Variants in PTK7 observed in about 807,000 individuals in gnomAD.
PTK7 encodes the protein inactive tyrosine-protein kinase 7.
Under a neutral mutation model 116.6 loss-of-function variants are expected in PTK7, and 39 were observed. The ratio of observed to expected loss-of-function variants is 0.33; its 90% CI spans 0.26 to 0.44. The LOEUF (loss-of-function observed/expected upper bound fraction) is 0.44, where lower values mean the gene tolerates loss of function less well. Among genes scored for constraint, PTK7 ranks in the 20% least tolerant of loss-of-function variants. The pLI, the probability that PTK7 is intolerant of heterozygous loss-of-function variation, is 1.00. For missense variants in PTK7, 1,169 were observed against 1,425.6 expected, an observed-to-expected ratio of 0.82 and a Z score of 2.90; for synonymous variants, 546 against 563.6, an observed-to-expected ratio of 0.97 and a Z score of 0.44.
At chr6:43,095,403 C>A (rs553811653) in intron 1 of PTK7, among the ~76,000 whole-genome samples, 8 of 152,060 alleles carry the variant, frequency 5.3e-5, no homozygotes, top group South Asian at 2.1e-4. Context: ...ACAACAACAA[C>A]AAAAAAACCC....
chr6:43,102,705 A>G (rs1767655645), intron 1 of PTK7, among the ~76,000 whole-genome samples: 1 of 152,226 alleles, frequency 6.6e-6, no homozygotes, highest in South Asian at 2.1e-4. Flanking sequence ...TTTCTGATTA[A>G]AAAAACAAAC....
intron 1 of PTK7, among the ~76,000 whole-genome samples, chr6:43,106,577 G>T (rs976807077): frequency 1.3e-5 from 2 of 151,250 alleles, no homozygotes; most frequent in African/African-American, 4.9e-5. Context: ...ATTATAGCAG[G>T]CATGAGCCAC....
chr6:43,138,745 T>G, intron 7 of PTK7, 104 bp from the exon 8 acceptor site: 1 of 1,456,226 alleles, frequency 6.9e-7, no homozygotes, highest in Non-Finnish European at 9.2e-7. Flanking sequence ...GCATGGGGCT[T>G]CTGAACTCAG....
intron 1 of PTK7, among the ~76,000 whole-genome samples, chr6:43,096,068 G>C (rs977211807): frequency 6.6e-6 from 1 of 152,186 alleles, no homozygotes; most frequent in Non-Finnish European, 1.5e-5. Flanking sequence ...AGAAAGCCTA[G>C]AGAGAGCCTG....
chr6:43,134,657 G>A (rs1231103703), intron 7 of PTK7, among the ~76,000 whole-genome samples: 3 of 151,968 alleles, frequency 2.0e-5, no homozygotes, highest in African/African-American at 7.3e-5. Context: ...GCACTCACCT[G>A]TAATCCCAGC....
chr6:43,137,784 C>CT (rs547194301), intron 7 of PTK7, among the ~76,000 whole-genome samples: 6 of 152,172 alleles, frequency 3.9e-5, no homozygotes, highest in Admixed American at 3.9e-4. Context: ...ATTACTTCTT[C>CT]TTTTTTTATT....
chr6:43,134,729 G>A (rs1355532652), intron 7 of PTK7, among the ~76,000 whole-genome samples: 1 of 151,320 alleles, frequency 6.6e-6, no homozygotes, highest in Admixed American at 6.6e-5. Context: ...GCAGTGAGTC[G>A]AGATCGTGCC....
Position 43,144,479 on chromosome 6 carries a change from A to G in PTK7, c.2280A>G (p.Ser760=). Reference sequence around the variant, plus strand: ...GGCCTTTGCAGAACGGGCAGCCCTCAGCAGAGATCCAAGAAGAAGTGGCCT... The same window carrying G: ...GGCCTTTGCAGAACGGGCAGCCCTCGGCAGAGATCCAAGAAGAAGTGGCCT... ...NGGPLQNGQP[S]AEIQEEVALT... Residue 760 remains serine, a synonymous_variant, in exon 15 of 20, where the codon TCA becomes TCG. Transcript: ENST00000230419. 1 of 1,614,124 alleles carries G rather than the reference A, an allele frequency of 6.2e-7. No individual in the cohort carries two copies. Among genetic ancestry groups the G allele is most frequent in the African/African-American group, 1.3e-5 (1 of 75,040 alleles).
chr6:43,104,201 A>G (rs1294393958), intron 1 of PTK7, among the ~76,000 whole-genome samples: 1 of 152,196 alleles, frequency 6.6e-6, no homozygotes, highest in Non-Finnish European at 1.5e-5. Context: ...GGTAACAGTA[A>G]GGAAAATAAG....
rs1444992916 is a variant in PTK7 at position 43,139,702 on chromosome 6, T to TTA, written c.1618+180_1618+181dup. ...AAAGCCAGACACAGAAGAGGTCAGA[T>TTA]TATAGCCTTGGACAACATGGAAGAC... On this transcript the variant is annotated intron_variant, in intron 10 of 19. Transcript: ENST00000230419. The surrounding 1 kb of genome is among the most constrained non-coding windows in gnomAD (Gnocchi z 4.6). Among the ~76,000 whole-genome samples the TTA allele has an allele frequency of 1.3e-5, 2 of 152,232 alleles. No individual in the cohort carries two copies. The highest frequency in any genetic ancestry group is 4.8e-5 in the African/African-American group (2 of 41,462).
chr6:43,099,713 G>A (rs758073156), intron 1 of PTK7, among the ~76,000 whole-genome samples: 3 of 152,138 alleles, frequency 2.0e-5, no homozygotes, highest in South Asian at 2.1e-4. Context: ...ATATTTATCG[G>A]GGTTACCATG....
At chr6:43,102,294 G>A (rs1007413222) in intron 1 of PTK7, among the ~76,000 whole-genome samples, 20 of 152,252 alleles carry the variant, frequency 1.3e-4, no homozygotes, top group African/African-American at 4.8e-4. Flanking sequence ...GCATGGTGGC[G>A]GGCGCCTGTA....
intron 17 of PTK7, among the ~76,000 whole-genome samples, chr6:43,158,201 A>G (rs1204692363): frequency 2.0e-5 from 3 of 151,880 alleles, no homozygotes; most frequent in Non-Finnish European, 2.9e-5. Context: ...CGGGAGGCTG[A>G]GTCAGGAGAA....
Position 43,159,097 on chromosome 6 carries a change from T to C in PTK7, c.2873+129T>C, listed in dbSNP as rs1771684805. Reference sequence around the variant, plus strand: ...TAGTCCAAAGCTGGAGGGCCTGGGATAGGGAAGAGCTTTCTCATCCTTTTT... The same window carrying C: ...TAGTCCAAAGCTGGAGGGCCTGGGACAGGGAAGAGCTTTCTCATCCTTTTT... On this transcript the variant is annotated intron_variant, in intron 18 of 19. Transcript: ENST00000230419. The C allele has an allele frequency of 2.5e-6, 3 of 1,199,844 alleles. No homozygotes were observed. In the Admixed American group the frequency reaches 7.2e-5, roughly 29 times the overall value. The allele number at this position is 1,199,844 out of a possible 1,614,324, so 74.3% of individuals were successfully genotyped here. A position where few individuals can be genotyped will look rare whatever the true frequency, so the allele number is the denominator to read the frequency against.
chr6:43,082,320 C>T (rs919912449), intron 1 of PTK7, among the ~76,000 whole-genome samples: 26 of 152,238 alleles, frequency 1.7e-4, no homozygotes, highest in Middle Eastern at 3.4e-3. Context: ...GGATTACAGG[C>T]GCGCACCACC....
intron 1 of PTK7, among the ~76,000 whole-genome samples, chr6:43,104,121 TGAGTGCCACATG>T (rs1362362507): frequency 2.0e-5 from 3 of 152,026 alleles, no homozygotes; most frequent in African/African-American, 7.2e-5. Context: ...GGAGGGAGGG[TGAGTGCCACATG>T]TAATACAGAA....
Position 43,157,364 on chromosome 6 carries a change from A to ATT in PTK7, c.2722-1443_2722-1442dup, listed in dbSNP as rs1293389236. ...TATATATATATATATATATATATATATTTTTTTTTTTCTTTTTTTTTTTTT... is the reference window on the plus strand; with the variant it reads ...TATATATATATATATATATATATATATTTTTTTTTTTTTCTTTTTTTTTTTTT... On this transcript the variant is annotated intron_variant, in intron 17 of 19. Transcript: ENST00000230419. 2.4e-4 allele frequency among the ~76,000 whole-genome samples: 13 copies of ATT among 54,346 alleles called. 1 individual carries two copies. Among genetic ancestry groups the ATT allele is most frequent in the Non-Finnish European group, 3.9e-4 (12 of 30,522 alleles). 35.7% of individuals were successfully genotyped at this position (54,346 alleles called of 152,430 possible).
intron 17 of PTK7, among the ~76,000 whole-genome samples, chr6:43,148,223 A>G (rs1430362813): frequency 6.7e-6 from 1 of 149,720 alleles, no homozygotes; most frequent in Non-Finnish European, 1.5e-5. Flanking sequence ...ACTGCACTCC[A>G]GCCTGGGCAA....
rs763322590 is a variant in PTK7, at chr6:43,143,408, G to C, written c.2048-9G>C. 2 of 1,613,070 alleles carry C rather than the reference G, an allele frequency of 1.2e-6. No individual in the cohort carries two copies. The highest frequency in any genetic ancestry group is 2.7e-5 in the African/African-American group (2 of 74,866). ...AGCCCCTGCCCAGACCCATCTGTGT[G>C]TCTCTCAGACAAGCCTGTGCCGGAG... On this transcript the variant is annotated splice_polypyrimidine_tract_variant and intron_variant, in intron 13 of 19. Transcript: ENST00000230419. This position sits in a 1 kb window ranked among gnomAD's most constrained non-coding sequence, Gnocchi z 4.2.
Sources: gnomAD v4.1 joint callset for allele counts (sites outside exome capture counted in the v4.1 genomes callset) on GRCh38, gnomAD v4.1.1 for gene constraint, Gnocchi (gnomAD v3.1) non-coding constraint, MANE v1.5 for transcripts, NCBI Gene and HGNC (gene_info 2026-07-23, HGNC 2026-07-21) for gene names.